CABP4: variants seen among roughly 807,000 people sequenced by gnomAD.
CABP4 encodes the protein calcium binding protein 4, also known as calcium-binding protein 4.
CABP4 carries 30 observed loss-of-function variants against 30.7 expected under a neutral mutation model. The observed-to-expected ratio is 0.98, with a 90% CI of 0.73 to 1.33. The LOEUF is 1.33. Ranked by LOEUF, CABP4 falls within the 40% of genes most tolerant of loss-of-function variation. The pLI is 0.00. For synonymous variants in CABP4, 161 were observed against 159.2 expected (o/e 1.01, Z -0.08); for missense variants, 424 against 395.5 (o/e 1.07, Z -0.61).
intron 3 of CABP4, 117 bp from the exon 4 acceptor site, chr11:67,457,456 G>A (rs562529666): frequency 1.2e-5 from 10 of 837,070 alleles, no homozygotes; most frequent in African/African-American, 8.4e-5. Context: ...GCGTGGACAC[G>A]GGTGTTTCTT....
In CABP4 at chr11:67,456,185, C is replaced by A; in HGVS notation, c.367-3C>A. The stretch of plus-strand genomic sequence containing the variant: ...GGGGACATCCTGGACTCTCCCCCTG[C>A]AGGACCGCGAACTGGGCCCCGAGGA... On this transcript the variant is annotated splice_region_variant and splice_polypyrimidine_tract_variant and intron_variant, in intron 1 of 5. Coordinates refer to ENST00000325656, the MANE Select transcript of CABP4 (RefSeq NM_145200.5). The A allele has an allele frequency of 6.2e-7, 1 of 1,613,234 alleles. No homozygotes were observed. Among genetic ancestry groups the A allele is most frequent in the Non-Finnish European group, 8.5e-7 (1 of 1,179,926 alleles).
chr11:67,453,755 C>T (rs1438155761), upstream of CABP4: 2 of 152,246 alleles, frequency 1.3e-5, no homozygotes, highest in African/African-American at 2.4e-5. Context: ...CCCTACCCCC[C>T]AGGGTTCCAG....
intron 4 of CABP4, among the ~76,000 whole-genome samples, chr11:67,458,049 A>T (rs912500813): frequency 2.0e-5 from 3 of 152,190 alleles, no homozygotes; most frequent in Non-Finnish European, 4.4e-5. Context: ...ACCTGAGGTC[A>T]GGAGTTTGAG....
chr11:67,453,504 A>T (rs1280041193), upstream of CABP4: 1 of 152,258 alleles, frequency 6.6e-6, no homozygotes, highest in African/African-American at 2.4e-5. Context: ...GAGAAACCCC[A>T]TCTCTACTAA....
At chr11:67,458,281 A>C in intron 4 of CABP4, 90 bp from the exon 5 acceptor site, 2 of 1,001,538 alleles carry the variant, frequency 2.0e-6, no homozygotes. Context: ...AAAATAAATA[A>C]AATAAAATAA....
chr11:67,454,336 C>T (rs973328560), upstream of CABP4, among the ~76,000 whole-genome samples: 4 of 152,200 alleles, frequency 2.6e-5, no homozygotes, highest in African/African-American at 7.2e-5. Flanking sequence ...CTGCCCACGG[C>T]CCACGGCTCC....
chr11:67,455,455 G>A lies in CABP4; in HGVS notation c.32G>A (p.Gly11Asp). MTTEQARGQQ[G>D]PNLAIGRQKP... is the part of the protein sequence containing the mutation. ...ACAGAGCAGGCAAGGGGGCAGCAGG[G>A]CCCAAATCTGGCCATTGGCCGTCAG... Residue 11 changes from glycine (G) to aspartate (D), a missense_variant, in exon 1 of 6, where the codon GGC becomes GAC. By Grantham distance (94) the Gly-to-Asp change is moderately conservative (BLOSUM62 -1). Coordinates refer to ENST00000325656, the MANE Select transcript of CABP4 (RefSeq NM_145200.5). 1 of 1,611,604 alleles carries A rather than the reference G, an allele frequency of 6.2e-7. No homozygotes were observed. Among genetic ancestry groups the A allele is most frequent in the Non-Finnish European group, 8.5e-7 (1 of 1,179,632 alleles).
In CABP4 at chr11:67,458,758, C is replaced by T; in HGVS notation, c.*99C>T. On this transcript the variant is annotated 3_prime_UTR_variant, in exon 6 of 6. Transcript: ENST00000325656. ...GGAGCCTCCAGGATGGAGATGGAGA[C>T]CCAGCAGCCCCCAGACTACTTCTAT... is the stretch of plus-strand genomic sequence containing the variant. 1 of 1,382,900 alleles carries T rather than the reference C, an allele frequency of 7.2e-7. No individual in the cohort carries two copies. The highest frequency in any genetic ancestry group is 1.0e-6 in the Non-Finnish European group (1 of 983,508). The allele number at this position is 1,382,900 out of a possible 1,614,324, so 85.7% of individuals were successfully genotyped here.
upstream of CABP4, chr11:67,452,585 T>A (rs751016714): frequency 6.2e-7 from 1 of 1,611,792 alleles, no homozygotes; most frequent in Non-Finnish European, 8.5e-7. Flanking sequence ...CATCAACCCA[T>A]TGGCTGGCAG....
upstream of CABP4, chr11:67,452,700 G>A (rs760372344): frequency 2.5e-6 from 4 of 1,583,108 alleles, no homozygotes; most frequent in Non-Finnish European, 3.4e-6. Context: ...GTGGCACCCA[G>A]GTCAGCTTCC....
In CABP4 at chr11:67,455,552, G is replaced by A. The variant is rs1590999097; in HGVS notation, c.129G>A (p.Lys43=). 1 of 1,603,154 alleles carries A rather than the reference G, an allele frequency of 6.2e-7. No homozygotes were observed. The highest frequency in any genetic ancestry group is 1.7e-5 in the Admixed American group (1 of 57,792). The change falls in exon 1 of 6, where the codon AAG becomes AAA. Residue 43 remains lysine (K), a synonymous_variant. Coordinates refer to ENST00000325656, the MANE Select transcript of CABP4 (RefSeq NM_145200.5). ...CCCCGTTGACCAGGAAGAGGAGCAA[G>A]AAGGAGAGGGGGCTCCGAGGGTCTC... ...EEPPLTRKRS[K]KERGLRGSRK...
At position 67,458,880 on chromosome 11, in the gene CABP4, C is replaced by A; in HGVS notation, c.*221C>A. On this transcript the variant is annotated 3_prime_UTR_variant, in exon 6 of 6. Transcript: ENST00000325656. ...TCAAGCTGCCTGGAGAAGACCTGCT[C>A]TCAGCTGCCCACCGTTCCTCAGTGT... The A allele has an allele frequency of 1.6e-6, 1 of 626,624 alleles. No individual in the cohort carries two copies. Among genetic ancestry groups the A allele is most frequent in the Non-Finnish European group, 2.9e-6 (1 of 348,108 alleles). The allele number at this position is 626,624 out of a possible 1,614,324, so 38.8% of individuals were successfully genotyped here.
At chr11:67,453,717 G>C (rs981892222), upstream of CABP4, 1 of 152,166 alleles carries the variant, frequency 6.6e-6, no homozygotes, top group Non-Finnish European at 1.5e-5. Context: ...CTAAAAGGGG[G>C]TGCTCAAATT....
At chr11:67,456,136 G>A (rs1192443874) in intron 1 of CABP4, 52 bp from the exon 2 acceptor site, 8 of 1,612,926 alleles carry the variant, frequency 5.0e-6, no homozygotes, top group Non-Finnish European at 6.8e-6. Context: ...AAGGAGGAAG[G>A]ATGACAGAGC....
chr11:67,456,554 G>A (rs1289376731), intron 3 of CABP4, 112 bp downstream of exon 3: 5 of 1,370,850 alleles, frequency 3.6e-6, no homozygotes, highest in South Asian at 2.4e-5. Flanking sequence ...GAGTGAGGGA[G>A]GGTGGCGGTT....
rs796540356 is a variant in CABP4 at position 67,460,984 on chromosome 11, CG to C, written c.*2327del. 0.13 allele frequency among the ~76,000 whole-genome samples: 14,662 copies of C among 114,680 alleles called. 2,855 individuals carry two copies. Among genetic ancestry groups the C allele is most frequent in the African/African-American group, 0.44 (13,661 of 31,372 alleles). 75.2% of individuals were successfully genotyped at this position (114,680 alleles called of 152,430 possible). ...TGGGCTACAGAGCGAGACTCCGTCTCGGAAAAAAAAAAAAAAAAAGGTCACT... is the reference window on the plus strand; with the variant it reads ...TGGGCTACAGAGCGAGACTCCGTCTCGAAAAAAAAAAAAAAAAAGGTCACT... On this transcript the variant is annotated 3_prime_UTR_variant, in exon 6 of 6. Transcript: ENST00000325656.
rs1456293091 is a variant in CABP4, at chr11:67,458,751, A to T, written c.*92A>T. 5 of 1,493,558 alleles carry T rather than the reference A, an allele frequency of 3.3e-6. No homozygotes were observed. The highest frequency in any genetic ancestry group is 3.4e-5 in the Admixed American group (2 of 59,130). The allele number at this position is 1,493,558 out of a possible 1,614,324, so 92.5% of individuals were successfully genotyped here. ...TCCCCCAGGAGCCTCCAGGATGGAG[A>T]TGGAGACCCAGCAGCCCCCAGACTA... is the stretch of plus-strand genomic sequence containing the variant. On this transcript the variant is annotated 3_prime_UTR_variant, in exon 6 of 6. Transcript: ENST00000325656.
rs777888510 is a variant in CABP4 at position 67,457,577 on chromosome 11, C to T, written c.546C>T (p.Gly182=). Residue 182 remains glycine (G), a synonymous_variant, in exon 4 of 6, where the codon GGC becomes GGT. Coordinates refer to ENST00000325656, the MANE Select transcript of CABP4 (RefSeq NM_145200.5). The stretch of plus-strand genomic sequence containing the variant: ...ACACTCTTCCTGGGTCTGCAGTGGG[C>T]GGCCGTGTGGACTTTGAGGAGTTTG... The part of the protein sequence containing the change: ...EVSQHIKMRM[G]GRVDFEEFVE... The T allele has an allele frequency of 1.6e-5, 25 of 1,582,194 alleles. No individual in the cohort carries two copies. Among genetic ancestry groups the T allele is most frequent in the Admixed American group, 9.1e-5 (5 of 54,746 alleles).
At chr11:67,452,761 T>G (rs1296088881), upstream of CABP4, 2 of 1,484,242 alleles carry the variant, frequency 1.3e-6, no homozygotes, top group African/African-American at 2.8e-5. Context: ...ACGGAGTGGG[T>G]GCCTGGTGAA....
Sources: gnomAD v4.1 joint callset for allele counts (sites outside exome capture counted in the v4.1 genomes callset) on GRCh38, gnomAD v4.1.1 for gene constraint, MANE v1.5 for transcripts, NCBI Gene and HGNC (gene_info 2026-07-23, HGNC 2026-07-21) for gene names.